IFNGR2: variants seen among roughly 807,000 people sequenced by gnomAD.
IFNGR2 encodes interferon gamma receptor 2, also known as IFN-gamma receptor 2.
A neutral mutation model predicts 41.1 loss-of-function variants in IFNGR2; 15 were observed. The ratio of observed to expected loss-of-function variants is 0.37; its 90% CI spans 0.24 to 0.56. The LOEUF (loss-of-function observed/expected upper bound fraction) is 0.56. Among genes scored for constraint, IFNGR2 ranks in the 20% least tolerant of loss-of-function variants. IFNGR2 has a pLI of 0.81. For synonymous variants in IFNGR2, 161 were observed against 171.6 expected (o/e 0.94, Z 0.48); for missense variants, 362 against 415.7 (o/e 0.87, Z 1.12).
chr21:33,423,035 A>ATTTTT (rs1402537450), intron 3 of IFNGR2, among the ~76,000 whole-genome samples: 15 of 118,150 alleles, frequency 1.3e-4, no homozygotes, highest in African/African-American at 2.5e-4. Context: ...TCTTCCCTCT[A>ATTTTT]CTTTTTTTTT....
chr21:33,413,762 G>A (rs956718813), intron 1 of IFNGR2, among the ~76,000 whole-genome samples: 3 of 150,942 alleles, frequency 2.0e-5, no homozygotes, highest in Non-Finnish European at 2.9e-5. Flanking sequence ...CCCAAAGAGA[G>A]GGATTCTGAT....
intron 2 of IFNGR2, among the ~76,000 whole-genome samples, chr21:33,417,310 G>A (rs2083761279): frequency 6.6e-6 from 1 of 152,008 alleles, no homozygotes; most frequent in Non-Finnish European, 1.5e-5. Flanking sequence ...GGCTGGCCTC[G>A]AACTCCTGGG....
chr21:33,432,036 G>A, intron 4 of IFNGR2, 141 bp from the exon 5 acceptor site: 2 of 770,056 alleles, frequency 2.6e-6, no homozygotes, highest in Non-Finnish European at 2.3e-6. Flanking sequence ...TGTGTCCACT[G>A]CCAGCCAGTG....
chr21:33,425,055 A>G (rs1336401428), intron 3 of IFNGR2, among the ~76,000 whole-genome samples: 2 of 152,130 alleles, frequency 1.3e-5, no homozygotes, highest in East Asian at 3.9e-4. Context: ...GATTACTGGC[A>G]TGCACCACCA....
chr21:33,435,139 T>C (rs969435426), intron 6 of IFNGR2, among the ~76,000 whole-genome samples: 4 of 152,250 alleles, frequency 2.6e-5, no homozygotes, highest in South Asian at 4.1e-4. Context: ...TCTTGGTAAC[T>C]TGGTGAATCT....
intron 4 of IFNGR2, among the ~76,000 whole-genome samples, chr21:33,429,739 C>A (rs1337853136): frequency 6.6e-6 from 1 of 152,152 alleles, no homozygotes; most frequent in African/African-American, 2.4e-5. Context: ...AATTCCGACT[C>A]CCAGAAGGAA....
intron 2 of IFNGR2, among the ~76,000 whole-genome samples, chr21:33,416,046 G>A (rs1189878121): frequency 6.6e-6 from 1 of 152,116 alleles, no homozygotes; most frequent in African/African-American, 2.4e-5. Context: ...AGTAGAGATG[G>A]GGTTTTGCCA....
intron 3 of IFNGR2, among the ~76,000 whole-genome samples, chr21:33,424,876 G>T (rs968985139): frequency 6.6e-6 from 1 of 151,802 alleles, no homozygotes; most frequent in African/African-American, 2.4e-5. Flanking sequence ...CAGTAGCTAG[G>T]ATTACTGGCA....
chr21:33,431,485 G>T (rs923500074), intron 4 of IFNGR2, among the ~76,000 whole-genome samples: 4 of 152,154 alleles, frequency 2.6e-5, no homozygotes, highest in African/African-American at 7.2e-5. Context: ...CAGGAGAATT[G>T]CTTGAACCTG....
At chr21:33,427,841 C>T (rs1250540920) in intron 4 of IFNGR2, among the ~76,000 whole-genome samples, 10 of 116,890 alleles carry the variant, frequency 8.6e-5, no homozygotes, top group East Asian at 2.6e-4. Flanking sequence ...CATCTCATTT[C>T]ATCTTTTTTT....
chr21:33,426,675 G>A lies in IFNGR2; in HGVS notation c.413-209G>A, dbSNP rs78407108. ...GTGGAGGTTGCAGTGAGCCGAGATC[G>A]CACAACTGCACTCTAGCCTGGGCGA... On this transcript the variant is annotated intron_variant, in intron 3 of 6. Transcript: ENST00000290219. Among the ~76,000 whole-genome samples, 15,192 of 151,600 alleles carry A rather than the reference G, an allele frequency of 0.1. 1,300 individuals are homozygous for A. The highest frequency in any genetic ancestry group is 0.42 in the East Asian group (2,170 of 5,150).
chr21:33,412,583 T>G (rs1373303389), intron 1 of IFNGR2, among the ~76,000 whole-genome samples: 2 of 152,152 alleles, frequency 1.3e-5, no homozygotes, highest in Non-Finnish European at 2.9e-5. Context: ...TGAGACGGAG[T>G]GCCGCTCTGT....
At chr21:33,418,714 G>A (rs1264449492) in intron 2 of IFNGR2, among the ~76,000 whole-genome samples, 1 of 152,154 alleles carries the variant, frequency 6.6e-6, no homozygotes, top group African/African-American at 2.4e-5. Flanking sequence ...GACAGTGGCT[G>A]CAGGCTATTT....
rs770931084 is a variant in IFNGR2 at position 33,414,952 on chromosome 21, C to T, written c.138C>T (p.Val46=). 1 of 1,614,164 alleles carries T rather than the reference C, an allele frequency of 6.2e-7. No individual in the cohort carries two copies. Among genetic ancestry groups the T allele is most frequent in the South Asian group, 1.1e-5 (1 of 91,084 alleles). ...PKIRLYNAEQ[V]LSWEPVALSN... is the part of the protein sequence containing the mutation. ...TTCGCCTGTACAACGCAGAGCAGGTCCTGAGTTGGGAGCCAGTGGCCCTGA... is the reference window on the plus strand; with the variant it reads ...TTCGCCTGTACAACGCAGAGCAGGTTCTGAGTTGGGAGCCAGTGGCCCTGA... Residue 46 remains valine (V), a synonymous_variant, in exon 2 of 7, where the codon GTC becomes GTT. Transcript: ENST00000290219.
intron 1 of IFNGR2, among the ~76,000 whole-genome samples, chr21:33,405,043 C>T (rs554232668): frequency 1.3e-5 from 2 of 149,294 alleles, no homozygotes; most frequent in South Asian, 2.1e-4. Context: ...CACTTGAACC[C>T]GAGAGCTGAG....
At chr21:33,428,526 T>C (rs916603482) in intron 4 of IFNGR2, among the ~76,000 whole-genome samples, 14 of 152,144 alleles carry the variant, frequency 9.2e-5, no homozygotes, top group Admixed American at 9.2e-4. Context: ...GTTCCCAGCC[T>C]CCTCTTCATT....
At chr21:33,433,087 T>A (rs559219805) in intron 6 of IFNGR2, among the ~76,000 whole-genome samples, 2 of 152,270 alleles carry the variant, frequency 1.3e-5, no homozygotes, top group East Asian at 3.9e-4. Flanking sequence ...GGTTTTGCTA[T>A]GTTGGCCAGA....
At chr21:33,418,738 T>G (rs1285556699) in intron 2 of IFNGR2, among the ~76,000 whole-genome samples, 1 of 152,144 alleles carries the variant, frequency 6.6e-6, no homozygotes, top group South Asian at 2.1e-4. Context: ...TCCCAGTGTT[T>G]AATTTTTTTT....
intron 1 of IFNGR2, among the ~76,000 whole-genome samples, chr21:33,405,113 A>G (rs1175248014): frequency 6.6e-6 from 1 of 151,878 alleles, no homozygotes; most frequent in Admixed American, 6.6e-5. Flanking sequence ...GAAAAAAAAA[A>G]AAAAAAAAAA....
Sources: allele counts gnomAD v4.1 joint callset (sites outside exome capture counted in the v4.1 genomes callset), GRCh38; gene constraint gnomAD v4.1.1; transcripts MANE v1.5; gene names NCBI Gene and HGNC (gene_info 2026-07-23, HGNC 2026-07-21).